Variants in ITIH5 observed in about 807,000 individuals in gnomAD.
The protein encoded by ITIH5 is inter-alpha-trypsin inhibitor heavy chain H5.
Under a neutral mutation model 77.5 loss-of-function variants are expected in ITIH5, and 65 were observed. The observed-to-expected ratio is 0.84, with a 90% CI of 0.69 to 1.03. ITIH5 has a LOEUF of 1.03. Among genes scored for constraint, ITIH5 ranks in the 50% least tolerant of loss-of-function variants. The pLI is 0.00. For missense variants in ITIH5, 1,208 were observed against 1,213.1 expected (o/e 1.00, Z 0.06); for synonymous variants, 525 against 494.3 (o/e 1.06, Z -0.82).
Position 7,603,486 on chromosome 10 carries a change from C to T in ITIH5, c.939+12496G>A, listed in dbSNP as rs545882034. ...TTAGATAGTGGTGATGGTTTCACAA[C>T]TCTCTGAAAATACTAAAAGCCACTG... On this transcript the variant is annotated intron_variant, in intron 7 of 13. Coordinates refer to ENST00000397146, the MANE Select transcript of ITIH5 (RefSeq NM_030569.7). 2.6e-5 allele frequency among the ~76,000 whole-genome samples: 4 copies of T among 152,288 alleles called. No individual in the cohort carries two copies. In the East Asian group the frequency reaches 7.7e-4, roughly 29 times the overall value.
At chr10:7,650,813 T>A (rs1421750723) in intron 2 of ITIH5, among the ~76,000 whole-genome samples, 1 of 152,084 alleles carries the variant, frequency 6.6e-6, no homozygotes, top group Non-Finnish European at 1.5e-5. Context: ...CTGCTAGATT[T>A]ACCACCTCGG....
At position 7,576,312 on chromosome 10, in the gene ITIH5, C is replaced by T; in HGVS notation, c.1978+141G>A. ...GTGCTGGGATTACAGGTGTGAGCTA[C>T]TATACCCGGTCTGGGTTATTGTTTA... On this transcript the variant is annotated intron_variant, in intron 10 of 13. Transcript: ENST00000397146. The T allele has an allele frequency of 3.8e-6, 3 of 784,314 alleles. No homozygotes were observed. In the South Asian group the frequency reaches 5.7e-5, roughly 15 times the overall value. The allele number at this position is 784,314 out of a possible 1,614,324, so 48.6% of individuals were successfully genotyped here.
intron 5 of ITIH5, among the ~76,000 whole-genome samples, chr10:7,633,123 G>A (rs547393833): frequency 6.6e-6 from 1 of 152,312 alleles, no homozygotes; most frequent in South Asian, 2.1e-4. Context: ...GTTCCACTGA[G>A]CTCTTAAAGC....
intron 2 of ITIH5, among the ~76,000 whole-genome samples, chr10:7,650,704 C>G (rs547142920): frequency 6.6e-6 from 1 of 151,686 alleles, no homozygotes; most frequent in South Asian, 2.1e-4. Flanking sequence ...CCATTGCACT[C>G]CAGCCTGGGT....
chr10:7,582,314 G>C (rs192279207), intron 8 of ITIH5, among the ~76,000 whole-genome samples: 1 of 152,316 alleles, frequency 6.6e-6, no homozygotes, highest in African/African-American at 2.4e-5. Context: ...GGGGAGACAG[G>C]TGGTTGGGTG....
At chr10:7,602,622 C>T (rs1025127336) in intron 7 of ITIH5, among the ~76,000 whole-genome samples, 9 of 152,096 alleles carry the variant, frequency 5.9e-5, no homozygotes, top group African/African-American at 1.9e-4. Flanking sequence ...CTGAGGCCTC[C>T]CAAGACATGC....
chr10:7,624,814 C>A (rs113939506), intron 5 of ITIH5, among the ~76,000 whole-genome samples: 1 of 115,424 alleles, frequency 8.7e-6, no homozygotes, highest in Non-Finnish European at 1.7e-5. Context: ...TATATATATA[C>A]ACATATATAT....
intron 7 of ITIH5, among the ~76,000 whole-genome samples, chr10:7,608,779 G>A (rs1320561870): frequency 6.6e-6 from 1 of 152,184 alleles, no homozygotes; most frequent in Non-Finnish European, 1.5e-5. Context: ...AAAGAAGTTT[G>A]CCTCCCCATA....
intron 5 of ITIH5, among the ~76,000 whole-genome samples, chr10:7,624,375 C>T (rs1049442385): frequency 1.2e-4 from 18 of 151,948 alleles, no homozygotes; most frequent in Middle Eastern, 3.4e-3. Flanking sequence ...GACATGGTGG[C>T]GCATGCCTGT....
At chr10:7,605,814 C>T (rs556348071) in intron 7 of ITIH5, among the ~76,000 whole-genome samples, 1 of 152,110 alleles carries the variant, frequency 6.6e-6, no homozygotes, top group South Asian at 2.1e-4. Flanking sequence ...CTTGCTGTTA[C>T]TTGTAGCAAA....
chr10:7,562,926 G>C lies in ITIH5; in HGVS notation c.*157C>G. ...CCGCCCCTACCCACCCCTACCCTTC[G>C]CCCAGACAGACGTCGGATCTATGCT... On this transcript the variant is annotated 3_prime_UTR_variant, in exon 14 of 14. Transcript: ENST00000397146. 16 of 513,234 alleles carry C rather than the reference G, an allele frequency of 3.1e-5. No homozygotes were observed. The highest frequency in any genetic ancestry group is 1.6e-4 in the East Asian group (4 of 24,688). The allele number at this position is 513,234 out of a possible 1,614,324, so 31.8% of individuals were successfully genotyped here.
chr10:7,623,586 A>G (rs1014244312), intron 5 of ITIH5, among the ~76,000 whole-genome samples: 3 of 151,784 alleles, frequency 2.0e-5, no homozygotes, highest in South Asian at 2.1e-4. Flanking sequence ...GGCGGATCAC[A>G]AGGTCAGGAG....
intron 11 of ITIH5, chr10:7,572,496 G>A: frequency 7.9e-7 from 1 of 1,266,308 alleles, no homozygotes; most frequent in Non-Finnish European, 1.0e-6. Context: ...AGGCTGGAAG[G>A]ATGCATGCTC....
chr10:7,571,972 A>C, intron 11 of ITIH5: 1 of 1,003,022 alleles, frequency 1.0e-6, no homozygotes, highest in African/African-American at 1.7e-5. Flanking sequence ...TTCTATGTGC[A>C]CATACCACAC....
At position 7,562,715 on chromosome 10, in the gene ITIH5, T is replaced by A; in HGVS notation, c.*368A>T. On this transcript the variant is annotated 3_prime_UTR_variant, in exon 14 of 14. Transcript: ENST00000397146. ...ATTTCCACCAAGAAAAAAAGTTTCATAGCAACCTTCCTTCACCAGAAAGGC... is the reference window on the plus strand; with the variant it reads ...ATTTCCACCAAGAAAAAAAGTTTCAAAGCAACCTTCCTTCACCAGAAAGGC... 1 of 207,424 alleles carries A rather than the reference T, an allele frequency of 4.8e-6. No individual in the cohort carries two copies. Among genetic ancestry groups the A allele is most frequent in the Non-Finnish European group, 9.9e-6 (1 of 101,398 alleles). 12.8% of individuals were successfully genotyped at this position (207,424 alleles called of 1,614,324 possible).
chr10:7,664,053 G>A (rs1202968433), intron 1 of ITIH5, among the ~76,000 whole-genome samples: 1 of 152,096 alleles, frequency 6.6e-6, no homozygotes, highest in African/African-American at 2.4e-5. Flanking sequence ...TTTTATACAA[G>A]GGATTTTCTT....
chr10:7,640,158 A>AAAAAC, intron 4 of ITIH5, among the ~76,000 whole-genome samples: 1 of 150,032 alleles, frequency 6.7e-6, no homozygotes, highest in Admixed American at 6.6e-5. Context: ...CAAAAAAAAA[A>AAAAAC]AAAAAAAAAA....
intron 12 of ITIH5, among the ~76,000 whole-genome samples, chr10:7,569,010 CTTTTTTTTTTTTT>C (rs5782983): frequency 2.8e-5 from 2 of 71,596 alleles, no homozygotes; most frequent in African/African-American, 9.9e-5. Context: ...TTTTCTTTTT[CTTTTTTTTTTTTT>C]TTTTTTTTTT....
intron 7 of ITIH5, among the ~76,000 whole-genome samples, chr10:7,592,778 T>G (rs1019559699): frequency 1.3e-5 from 2 of 152,102 alleles, no homozygotes; most frequent in Non-Finnish European, 2.9e-5. Flanking sequence ...ACAGCCTGTG[T>G]GAGCATCAGA....
Sources: gnomAD v4.1 joint callset for allele counts (sites outside exome capture counted in the v4.1 genomes callset) on GRCh38, gnomAD v4.1.1 for gene constraint, MANE v1.5 for transcripts, NCBI Gene and HGNC (gene_info 2026-07-23, HGNC 2026-07-21) for gene names.